Variants in BARHL1 observed in about 807,000 individuals in gnomAD.
BARHL1 encodes the protein barH-like 1 homeobox protein.
Under a neutral mutation model 20.1 loss-of-function variants are expected in BARHL1, and 2 were observed. That is an observed-to-expected ratio of 0.10 (90% confidence interval 0.04 to 0.31). The LOEUF (loss-of-function observed/expected upper bound fraction) is 0.31, where lower values mean the gene tolerates loss of function less well. Ranked by LOEUF, BARHL1 falls within the 10% of genes least tolerant of loss-of-function variation. The pLI, the probability that BARHL1 is intolerant of heterozygous loss-of-function variation, is 1.00. For synonymous variants in BARHL1, 213 were observed against 209.9 expected (o/e 1.01, Z -0.13); for missense variants, 397 against 454.0 (o/e 0.87, Z 1.14).
At position 132,583,008 on chromosome 9, in the gene BARHL1, G is replaced by T. The variant is rs1830091441; in HGVS notation, c.211G>T (p.Gly71Cys). The change falls in exon 1 of 3, where the codon GGC becomes TGC. Residue 71 changes from glycine (G) to cysteine (C), a missense_variant. By Grantham distance (159) the Gly-to-Cys change is radical. Around this residue, in one of 3 missense-constraint regions of BARHL1, gnomAD observed 272 missense variants for 298.7 expected, o/e 0.91. Transcript: ENST00000263610. ...GACCCCACGGCCTGGCGGGGCATCC[G>T]GCCCAGGTTTGGACTCCCACCTGCA... ...TGTPRPGGASGPGLDSHLQPG... is the reference protein window; with the variant it reads ...TGTPRPGGASCPGLDSHLQPG... The T allele has an allele frequency of 6.2e-7, 1 of 1,613,622 alleles. No homozygotes were observed. Among genetic ancestry groups the T allele is most frequent in the Non-Finnish European group, 8.5e-7 (1 of 1,179,948 alleles).
At chr9:132,586,380 A>C (rs1441369486) in intron 1 of BARHL1, among the ~76,000 whole-genome samples, 1 of 152,236 alleles carries the variant, frequency 6.6e-6, no homozygotes, top group Non-Finnish European at 1.5e-5. Flanking sequence ...ATCGCTTTAG[A>C]GGGAGAAGGA....
chr9:132,586,088 C>T (rs1035652051), intron 1 of BARHL1, among the ~76,000 whole-genome samples: 13 of 152,260 alleles, frequency 8.5e-5, no homozygotes, highest in African/African-American at 2.2e-4. Flanking sequence ...GCTGCCGTTT[C>T]TCCTCTGCAC....
At chr9:132,585,451 G>C (rs76826751) in intron 1 of BARHL1, among the ~76,000 whole-genome samples, 4,333 of 152,280 alleles carry the variant, frequency 0.028, 108 homozygotes, top group Non-Finnish European at 0.045. Context: ...GCTATCAAAG[G>C]CTCTTCAAAC....
At chr9:132,584,989 A>G (rs1830122883) in intron 1 of BARHL1, among the ~76,000 whole-genome samples, 1 of 152,268 alleles carries the variant, frequency 6.6e-6, no homozygotes, top group South Asian at 2.1e-4. Flanking sequence ...TCCACCGCCC[A>G]TGCTAATGGC....
chr9:132,588,942 G>A (rs1299046791), intron 2 of BARHL1, among the ~76,000 whole-genome samples: 1 of 152,176 alleles, frequency 6.6e-6, no homozygotes, highest in Non-Finnish European at 1.5e-5. Flanking sequence ...GGGCTTTGGG[G>A]TCAGACAGCA....
Position 132,583,336 on chromosome 9 carries a change from T to C in BARHL1, c.466+73T>C, listed in dbSNP as rs1360770411. ...AACTGACATTTAAAAGGAATACACA[T>C]GGCGGGACATGCACTCGCTCACCTG... On this transcript the variant is annotated intron_variant, in intron 1 of 2. Coordinates refer to ENST00000263610, the MANE Select transcript of BARHL1 (RefSeq NM_020064.4). 8.3e-6 allele frequency: 11 copies of C among 1,322,578 alleles called. No homozygotes were observed. In the East Asian group the frequency reaches 1.8e-4, roughly 21 times the overall value. 81.9% of individuals were successfully genotyped at this position (1,322,578 alleles called of 1,614,324 possible).
Position 132,587,770 on chromosome 9 carries a change from A to G in BARHL1, c.689+219A>G, listed in dbSNP as rs991436060. ...AGACTAGACTTGGTGTCCAGCGTCC[A>G]GTCAGCCCTCCCCCGGATGGGTGGA... On this transcript the variant is annotated intron_variant, in intron 2 of 2. Coordinates refer to ENST00000263610, the MANE Select transcript of BARHL1 (RefSeq NM_020064.4). The surrounding 1 kb of genome is among the most constrained non-coding windows in gnomAD (Gnocchi z 5.5). 2.0e-5 allele frequency among the ~76,000 whole-genome samples: 3 copies of G among 152,260 alleles called. No homozygotes were observed. The highest frequency in any genetic ancestry group is 7.2e-5 in the African/African-American group (3 of 41,472).
rs1315308878 is a variant in BARHL1 at position 132,583,196 on chromosome 9, C to G, written c.399C>G (p.Ala133=). The G allele has an allele frequency of 1.2e-6, 2 of 1,613,378 alleles. No homozygotes were observed. Among genetic ancestry groups the G allele is most frequent in the Middle Eastern group, 1.7e-4 (1 of 6,058 alleles). ...CTGGGGGCCGCCTTGCGGCCAAGGC[C>G]GCGGAGGACTTTAGAGACAAGCTGG... The part of the protein sequence containing the change: ...PEPGGRLAAK[A]AEDFRDKLDK... Residue 133 remains alanine (A), a synonymous_variant, in exon 1 of 3, where the codon GCC becomes GCG. Transcript: ENST00000263610.
rs1830160665 is a variant in BARHL1 at position 132,587,881 on chromosome 9, A to T, written c.689+330A>T. On this transcript the variant is annotated intron_variant, in intron 2 of 2. Coordinates refer to ENST00000263610, the MANE Select transcript of BARHL1 (RefSeq NM_020064.4). The surrounding 1 kb of genome is among the most constrained non-coding windows in gnomAD (Gnocchi z 5.5). ...TCTGCCTGGAGCCCCCACCTGAGCCAGCGTGGGTCTTGGAAGCCCCAGGCC... is the reference window on the plus strand; with the variant it reads ...TCTGCCTGGAGCCCCCACCTGAGCCTGCGTGGGTCTTGGAAGCCCCAGGCC... Among the ~76,000 whole-genome samples, 1 of 152,208 alleles carries T rather than the reference A, an allele frequency of 6.6e-6. No individual in the cohort carries two copies. The highest frequency in any genetic ancestry group is 2.4e-5 in the African/African-American group (1 of 41,462).
chr9:132,588,522 C>G (rs1376167786), intron 2 of BARHL1, among the ~76,000 whole-genome samples: 1 of 152,162 alleles, frequency 6.6e-6, no homozygotes, highest in Non-Finnish European at 1.5e-5. Flanking sequence ...GCTGGTCCGC[C>G]TAGCCTCACC....
intron 1 of BARHL1, among the ~76,000 whole-genome samples, chr9:132,584,121 AGAAG>A (rs67522848): frequency 0.37 from 53,177 of 143,986 alleles, 10,492 homozygotes; most frequent in Non-Finnish European, 0.45. Flanking sequence ...AAGGAAAGGG[AGAAG>A]GAAGGAAGGA....
At chr9:132,586,484 A>G (rs1430785833) in intron 1 of BARHL1, among the ~76,000 whole-genome samples, 1 of 152,270 alleles carries the variant, frequency 6.6e-6, no homozygotes, top group Non-Finnish European at 1.5e-5. Flanking sequence ...TGCCAGGTCT[A>G]TCCTTCGACC....
rs749329114 is a variant in BARHL1 at position 132,583,106 on chromosome 9, C to T, written c.309C>T (p.Ala103=). The stretch of plus-strand genomic sequence containing the variant: ...CCTTTCTGATCAGGGACATCCTTGC[C>T]GACTGCAAACCACTCGCGGCCTGTG... ...TSSFLIRDIL[A]DCKPLAACAP... The change falls in exon 1 of 3, where the codon GCC becomes GCT. Residue 103 remains alanine, a synonymous_variant. Coordinates refer to ENST00000263610, the MANE Select transcript of BARHL1 (RefSeq NM_020064.4). 1.9e-6 allele frequency: 3 copies of T among 1,613,764 alleles called. No individual in the cohort carries two copies. Among genetic ancestry groups the T allele is most frequent in the Non-Finnish European group, 2.5e-6 (3 of 1,179,968 alleles).
In BARHL1 at chr9:132,589,553, C is replaced by G; in HGVS notation, c.*31C>G. ...CCGTCGGCTCCGGGGCCTCCTCCCG[C>G]GGGCTCGGCGTGGCCCCTTCCGCCC... is the stretch of plus-strand genomic sequence containing the variant. On this transcript the variant is annotated 3_prime_UTR_variant, in exon 3 of 3. Transcript: ENST00000263610. 3 of 1,268,186 alleles carry G rather than the reference C, an allele frequency of 2.4e-6. No individual in the cohort carries two copies. The highest frequency in any genetic ancestry group is 3.0e-6 in the Non-Finnish European group (3 of 1,011,566). 78.6% of individuals were successfully genotyped at this position (1,268,186 alleles called of 1,614,324 possible). A position where few individuals can be genotyped will look rare whatever the true frequency, so the allele number is the denominator to read the frequency against.
rs753194721 is a variant in BARHL1 at position 132,587,420 on chromosome 9, C to T, written c.558C>T (p.Thr186=). 2 of 1,612,662 alleles carry T rather than the reference C, an allele frequency of 1.2e-6. No homozygotes were observed. Among genetic ancestry groups the T allele is most frequent in the East Asian group, 2.2e-5 (1 of 44,838 alleles). ...KKPRKARTAF[T]DHQLAQLERS... ...CACGCAAGGCGCGCACGGCCTTCACCGACCATCAGCTGGCGCAGCTGGAGC... is the reference window on the plus strand; with the variant it reads ...CACGCAAGGCGCGCACGGCCTTCACTGACCATCAGCTGGCGCAGCTGGAGC... The change falls in exon 2 of 3, where the codon ACC becomes ACT. Residue 186 remains threonine, a synonymous_variant. Transcript: ENST00000263610. The surrounding 1 kb of genome is among the most constrained non-coding windows in gnomAD (Gnocchi z 5.5).
chr9:132,583,388 C>T, intron 1 of BARHL1, 125 bp downstream of exon 1: 1 of 804,572 alleles, frequency 1.2e-6, no homozygotes, highest in Non-Finnish European at 1.9e-6. Flanking sequence ...TCAGGTTGAG[C>T]AGTGGTTCTC....
In BARHL1 at chr9:132,587,001, C is replaced by A. The variant is rs756408442; in HGVS notation, c.467-328C>A. 6.6e-6 allele frequency among the ~76,000 whole-genome samples: 1 copy of A among 152,250 alleles called. No individual in the cohort carries two copies. Among genetic ancestry groups the A allele is most frequent in the East Asian group, 1.9e-4 (1 of 5,190 alleles). On this transcript the variant is annotated intron_variant, in intron 1 of 2. Coordinates refer to ENST00000263610, the MANE Select transcript of BARHL1 (RefSeq NM_020064.4). This position sits in a 1 kb window ranked among gnomAD's most constrained non-coding sequence, Gnocchi z 5.5. ...GGCAGGCTGGGTCCGGTTCCATCGT[C>A]GCGGCTCCGTTTATCCCTCCAGGGA...
At chr9:132,588,006 C>T (rs1298453785) in intron 2 of BARHL1, among the ~76,000 whole-genome samples, 1 of 152,194 alleles carries the variant, frequency 6.6e-6, no homozygotes, top group African/African-American at 2.4e-5. Flanking sequence ...CGGGCAGCTG[C>T]CGCAGGGGCC....
intron 1 of BARHL1, among the ~76,000 whole-genome samples, chr9:132,583,908 G>A (rs1179327432): frequency 6.6e-6 from 1 of 152,156 alleles, no homozygotes; most frequent in Non-Finnish European, 1.5e-5. Context: ...CCCCCCAATG[G>A]CTCTCATTGA....
Sources: gnomAD v4.1 joint callset for allele counts (sites outside exome capture counted in the v4.1 genomes callset) on GRCh38, gnomAD v4.1.1 for gene constraint, gnomAD v4.1.1 regional missense constraint, Gnocchi (gnomAD v3.1) non-coding constraint, MANE v1.5 for transcripts, NCBI Gene and HGNC (gene_info 2026-07-23, HGNC 2026-07-21) for gene names.